STAB2: variants seen among roughly 807,000 people sequenced by gnomAD.
STAB2 encodes stabilin 2.
Under a neutral mutation model 338.1 loss-of-function variants are expected in STAB2, and 288 were observed. The ratio of observed to expected loss-of-function variants is 0.85; its 90% CI spans 0.77 to 0.94. STAB2 has a LOEUF of 0.94. STAB2 is among the 40% of genes least tolerant of loss of function. The probability of loss-of-function intolerance (pLI) is 0.00; values close to 1 mark genes in which losing one functional copy is unlikely to be tolerated. For missense variants in STAB2, 3,141 were observed against 3,210.1 expected, an observed-to-expected ratio of 0.98 and a Z score of 0.52; for synonymous variants, 1,202 against 1,193.3, an observed-to-expected ratio of 1.01 and a Z score of -0.15.
At chr12:103,764,214 A>G (rs569176420) in intron 68 of STAB2, among the ~76,000 whole-genome samples, 93 of 152,278 alleles carry the variant, frequency 6.1e-4, no homozygotes, top group African/African-American at 2.1e-3. Flanking sequence ...CGGCCTCCCA[A>G]AGTGCTGGGA....
At chr12:103,744,460 ACT>A (rs1491456383) in intron 56 of STAB2, among the ~76,000 whole-genome samples, 1 of 69,488 alleles carries the variant, frequency 1.4e-5, no homozygotes, top group South Asian at 5.1e-4. Context: ...CCACAATTTT[ACT>A]TTTTTTTTTT....
intron 15 of STAB2, 51 bp from the exon 16 acceptor site, chr12:103,660,280 G>A (rs958866584): frequency 1.2e-5 from 18 of 1,550,478 alleles, no homozygotes; most frequent in Non-Finnish European, 1.6e-5. Context: ...CACAAGAGTG[G>A]AAGTGTTGCA....
Position 103,668,693 on chromosome 12 carries a change from G to T in STAB2, c.2136G>T (p.Lys712Asn). 1 of 1,550,674 alleles carries T rather than the reference G, an allele frequency of 6.4e-7. No individual in the cohort carries two copies. The change falls in exon 20 of 69, where the codon AAG becomes AAT. Residue 712 changes from lysine (K) to asparagine (N), a missense_variant. By Grantham distance (94) the Lys-to-Asn change is moderately conservative. Transcript: ENST00000388887. The stretch of plus-strand genomic sequence containing the variant: ...ACAGTGGCAGGTTTGGGAGCCTGAA[G>T]AGCGGCTGTGCCCGGTACTGCAATG... ...CVYSGRFGSL[K>N]SGCARYCNAT...
rs1426317621 is a variant in STAB2 at position 103,652,552 on chromosome 12, T to C, written c.1258-4T>C. 6.4e-7 allele frequency: 1 copy of C among 1,563,284 alleles called. No individual in the cohort carries two copies. Among genetic ancestry groups the C allele is most frequent in the African/African-American group, 1.4e-5 (1 of 72,976 alleles). On this transcript the variant is annotated splice_region_variant and splice_polypyrimidine_tract_variant and intron_variant, in intron 11 of 68. Transcript: ENST00000388887. ...TAATAGTAAAATTGGCTCTTCTCTC[T>C]TAGGTAAATGAGCTTTTGGTGGATA...
chr12:103,685,459 T>TGTGTGTGTGTGTGTGC (rs746468070), intron 27 of STAB2, among the ~76,000 whole-genome samples: 7 of 135,540 alleles, frequency 5.2e-5, no homozygotes, highest in East Asian at 5.0e-4. Context: ...TGTGTGCGCG[T>TGTGTGTGTGTGTGTGC]GCGTGTGTGT....
intron 42 of STAB2, among the ~76,000 whole-genome samples, chr12:103,715,555 A>C (rs1360649046): frequency 6.6e-6 from 1 of 152,168 alleles, no homozygotes; most frequent in Non-Finnish European, 1.5e-5. Flanking sequence ...CAAATGCTCA[A>C]ATTTATTCCA....
chr12:103,744,094 C>T (rs564091231), intron 56 of STAB2, among the ~76,000 whole-genome samples: 85 of 152,032 alleles, frequency 5.6e-4, no homozygotes, highest in African/African-American at 1.9e-3. Context: ...TGCACTAGTA[C>T]GGTAGTGCTG....
At chr12:103,641,243 T>C (rs1405444050) in intron 9 of STAB2, among the ~76,000 whole-genome samples, 1 of 151,654 alleles carries the variant, frequency 6.6e-6, no homozygotes, top group Non-Finnish European at 1.5e-5. Context: ...TGTATTATCA[T>C]CATGTCCTAT....
At chr12:103,739,669 C>T (rs531473685) in intron 54 of STAB2, among the ~76,000 whole-genome samples, 15 of 152,188 alleles carry the variant, frequency 9.9e-5, no homozygotes, top group Non-Finnish European at 1.9e-4. Flanking sequence ...GGCAACCTGT[C>T]AACCCATGTT....
In STAB2 at chr12:103,705,664, C is replaced by T. The variant is rs1484774195; in HGVS notation, c.3933C>T (p.Ser1311=). The T allele has an allele frequency of 1.9e-6, 3 of 1,614,172 alleles. No individual in the cohort carries two copies. Among genetic ancestry groups the T allele is most frequent in the Non-Finnish European group, 2.5e-6 (3 of 1,180,030 alleles). The change falls in exon 37 of 69, where the codon TCC becomes TCT. Residue 1311 remains serine (S), a synonymous_variant. Transcript: ENST00000388887. ...AGAAGAGGAGATGCATCTATACCTC[C>T]TATTTCATGGGAAGACGAACCCTGT... is the stretch of plus-strand genomic sequence containing the variant. ...GNEKRRCIYT[S]YFMGRRTLFI...
chr12:103,751,029 T>C (rs1593334298), intron 60 of STAB2, among the ~76,000 whole-genome samples: 2 of 152,260 alleles, frequency 1.3e-5, no homozygotes, highest in Non-Finnish European at 2.9e-5. Context: ...TGCAGAGGCA[T>C]GGGCAATAGG....
intron 27 of STAB2, among the ~76,000 whole-genome samples, chr12:103,686,391 CT>C (rs774365163): frequency 1.6e-4 from 24 of 152,322 alleles, no homozygotes; most frequent in Admixed American, 2.0e-4. Context: ...GCTACAGACC[CT>C]GGTTTCCTAA....
intron 47 of STAB2, 62 bp downstream of exon 47, chr12:103,727,412 C>A (rs972651308): frequency 1.3e-6 from 2 of 1,562,762 alleles, no homozygotes; most frequent in African/African-American, 2.7e-5. Context: ...CCTTGGGCCT[C>A]GCCCTGGAAC....
At chr12:103,629,894 A>G (rs1013954583) in intron 5 of STAB2, among the ~76,000 whole-genome samples, 1 of 152,220 alleles carries the variant, frequency 6.6e-6, no homozygotes, top group Non-Finnish European at 1.5e-5. Flanking sequence ...TATGTATTCC[A>G]TAAGTGTTTT....
At chr12:103,589,191 G>C (rs565168256) in intron 1 of STAB2, among the ~76,000 whole-genome samples, 61 of 152,288 alleles carry the variant, frequency 4.0e-4, no homozygotes, top group African/African-American at 1.4e-3. Flanking sequence ...TTCTTTTTAT[G>C]CAGGCTTTAT....
In STAB2 at chr12:103,703,006, T is replaced by C. The variant is rs1593257079; in HGVS notation, c.3715-142T>C. 19 of 1,007,098 alleles carry C rather than the reference T, an allele frequency of 1.9e-5. No individual in the cohort carries two copies. The East Asian group carries it at 5.2e-4, about 28-fold the overall frequency. 62.4% of individuals were successfully genotyped at this position (1,007,098 alleles called of 1,614,324 possible). On this transcript the variant is annotated intron_variant, in intron 34 of 68. Transcript: ENST00000388887. Reference sequence around the variant, plus strand: ...CTTCCGCTCCTAAGTCAGAGCTCTTTCCAATACAAGTGACTATTATATCTC... The same window carrying C: ...CTTCCGCTCCTAAGTCAGAGCTCTTCCCAATACAAGTGACTATTATATCTC...
intron 54 of STAB2, among the ~76,000 whole-genome samples, chr12:103,740,030 G>C (rs1381042183): frequency 6.6e-6 from 1 of 152,160 alleles, no homozygotes; most frequent in Non-Finnish European, 1.5e-5. Flanking sequence ...CATAATCTTT[G>C]ACAAATCTTA....
At chr12:103,679,782 C>T (rs1240869137) in intron 25 of STAB2, among the ~76,000 whole-genome samples, 1 of 152,180 alleles carries the variant, frequency 6.6e-6, no homozygotes, top group Non-Finnish European at 1.5e-5. Flanking sequence ...TCTGGGTATA[C>T]ACCCAAAAGA....
In STAB2 at chr12:103,740,662, C is replaced by T; in HGVS notation, c.5787C>T (p.Pro1929=). 1.2e-6 allele frequency: 2 copies of T among 1,612,268 alleles called. No homozygotes were observed. Among genetic ancestry groups the T allele is most frequent in the South Asian group, 2.2e-5 (2 of 90,664 alleles). The change falls in exon 55 of 69, where the codon CCC becomes CCT. Residue 1929 remains proline, a synonymous_variant. Coordinates refer to ENST00000388887, the MANE Select transcript of STAB2 (RefSeq NM_017564.10). The part of the protein sequence containing the change: ...GVKQKCLYNL[P]FKRNLEGCRE... ...AGCAGAAGTGTCTCTACAACCTGCC[C>T]TTCAAGAGGAACCTGGAAGGCTGCC...
Sources: gnomAD v4.1 joint callset for allele counts (sites outside exome capture counted in the v4.1 genomes callset) on GRCh38, gnomAD v4.1.1 for gene constraint, MANE v1.5 for transcripts, NCBI Gene and HGNC (gene_info 2026-07-23, HGNC 2026-07-21) for gene names.